BCAS3: variants seen among roughly 807,000 people sequenced by gnomAD.
BCAS3 encodes BCAS3 microtubule associated cell migration factor.
Under a neutral mutation model 116.1 loss-of-function variants are expected in BCAS3, and 53 were observed. That is an observed-to-expected ratio of 0.46 (90% CI 0.37 to 0.57). The LOEUF is 0.57. Ranked by LOEUF, BCAS3 falls within the 20% of genes least tolerant of loss-of-function variation. BCAS3 has a pLI of 0.00. For synonymous variants in BCAS3, 391 were observed against 408.2 expected (o/e 0.96, Z 0.51); for missense variants, 917 against 1,165.4 (o/e 0.79, Z 3.10).
intron 4 of BCAS3, among the ~76,000 whole-genome samples, chr17:60,708,692 C>A (rs993744028): frequency 1.3e-5 from 2 of 152,036 alleles, no homozygotes; most frequent in Non-Finnish European, 2.9e-5. Context: ...CCACACCCGA[C>A]TAATTTTTGT....
intron 19 of BCAS3, among the ~76,000 whole-genome samples, chr17:61,055,823 C>G (rs959251559): frequency 6.6e-6 from 1 of 151,928 alleles, no homozygotes; most frequent in Non-Finnish European, 1.5e-5. Flanking sequence ...AAAAAATTGC[C>G]GTGTTTTTCC....
At chr17:61,192,960 G>T (rs1226671094) in intron 22 of BCAS3, among the ~76,000 whole-genome samples, 1 of 152,160 alleles carries the variant, frequency 6.6e-6, no homozygotes, top group Non-Finnish European at 1.5e-5. Context: ...AAAAACTATG[G>T]TATAAAAATT....
At chr17:60,811,242 G>A (rs372206313) in intron 7 of BCAS3, 148 of 894,264 alleles carry the variant, frequency 1.7e-4, no homozygotes, top group African/African-American at 1.3e-3. Context: ...GAGGGACAGC[G>A]CCAGGCCCAG....
rs2067525935 is a variant in BCAS3 at position 61,041,743 on chromosome 17, G to A, written c.2029+851G>A. Among the ~76,000 whole-genome samples the A allele has an allele frequency of 6.6e-6, 1 of 151,876 alleles. No homozygotes were observed. Among genetic ancestry groups the A allele is most frequent in the Non-Finnish European group, 1.5e-5 (1 of 67,950 alleles). ...TTTATAATGTGCTATATATTATACT[G>A]GAAACAGAAATATTTTATAGACTTT... On this transcript the variant is annotated intron_variant, in intron 19 of 23. Coordinates refer to ENST00000407086, the MANE Select transcript of BCAS3 (RefSeq NM_017679.5). This position sits in a 1 kb window ranked among gnomAD's most constrained non-coding sequence, Gnocchi z 4.7.
chr17:60,903,581 G>T (rs1238824649), intron 11 of BCAS3, among the ~76,000 whole-genome samples: 23 of 152,148 alleles, frequency 1.5e-4, no homozygotes, highest in Non-Finnish European at 3.4e-4. Context: ...CCAAGTAGCT[G>T]GGACTACGGG....
At position 61,235,725 on chromosome 17, in the gene BCAS3, GAGAA is replaced by G. The variant is rs1004438095; in HGVS notation, c.2426-132594_2426-132591del. ...TAAAAAAAAAAAAAAGGAGAAGAAG[GAGAA>G]AGAAAGACAAGGGAAAAAAATGGTT... On this transcript the variant is annotated intron_variant, in intron 22 of 23. Transcript: ENST00000407086. The surrounding 1 kb of genome is among the most constrained non-coding windows in gnomAD (Gnocchi z 5.0). 6.6e-5 allele frequency among the ~76,000 whole-genome samples: 10 copies of G among 151,972 alleles called. No homozygotes were observed. The highest frequency in any genetic ancestry group is 2.4e-4 in the African/African-American group (10 of 41,466).
intron 13 of BCAS3, among the ~76,000 whole-genome samples, chr17:60,927,983 C>T (rs2145172545): frequency 6.6e-6 from 1 of 152,248 alleles, no homozygotes. Flanking sequence ...AAAGGATCCA[C>T]ACTACAGAAA....
In BCAS3 at chr17:61,320,584, G is replaced by C. The variant is rs886787861; in HGVS notation, c.2426-47743G>C. 2.0e-3 allele frequency among the ~76,000 whole-genome samples: 305 copies of C among 151,782 alleles called. 4 individuals carry two copies. Among genetic ancestry groups the C allele is most frequent in the Non-Finnish European group, 4.6e-4 (31 of 67,948 alleles). ...GTACCTGCTTGGGAGGCTGAGGCAG[G>C]AGAACGGCATGAACCCGGGAGGCGG... On this transcript the variant is annotated intron_variant, in intron 22 of 23. Transcript: ENST00000407086.
chr17:60,874,817 A>G, intron 9 of BCAS3, 79 bp downstream of exon 9: 1 of 865,806 alleles, frequency 1.2e-6, no homozygotes, highest in Non-Finnish European at 1.8e-6. Flanking sequence ...ACTAACTGTA[A>G]TTTTCTCAAC....
intron 14 of BCAS3, among the ~76,000 whole-genome samples, chr17:60,951,544 A>G (rs1424134145): frequency 6.6e-6 from 1 of 152,126 alleles, no homozygotes; most frequent in Non-Finnish European, 1.5e-5. Context: ...TTGTAGATGA[A>G]ATTGTTCTTA....
chr17:60,735,280 T>G (rs890305898), intron 5 of BCAS3, among the ~76,000 whole-genome samples: 1 of 151,964 alleles, frequency 6.6e-6, no homozygotes, highest in Non-Finnish European at 1.5e-5. Context: ...GTTTTCTTTC[T>G]TTCTTTCCCA....
At chr17:60,924,650 A>G in intron 13 of BCAS3, 150 bp downstream of exon 13, 1 of 520,158 alleles carries the variant, frequency 1.9e-6, no homozygotes, top group Non-Finnish European at 3.2e-6. Flanking sequence ...TGAATAAAGG[A>G]ATTTATAATA....
intron 11 of BCAS3, among the ~76,000 whole-genome samples, chr17:60,907,658 A>T (rs1176426200): frequency 1.3e-5 from 2 of 152,170 alleles, no homozygotes; most frequent in Non-Finnish European, 1.5e-5. Context: ...TTGTGTGAAG[A>T]TTCATCAGTG....
chr17:61,182,406 A>G (rs1267784763), intron 22 of BCAS3, among the ~76,000 whole-genome samples: 3 of 152,172 alleles, frequency 2.0e-5, no homozygotes, highest in Non-Finnish European at 4.4e-5. Flanking sequence ...AAAAAACCCC[A>G]CTAGCCATCA....
At chr17:61,076,934 C>T (rs972520042) in intron 20 of BCAS3, among the ~76,000 whole-genome samples, 3 of 152,142 alleles carry the variant, frequency 2.0e-5, no homozygotes, top group Non-Finnish European at 4.4e-5. Flanking sequence ...CAGGGCTACA[C>T]TCTGTGAACC....
intron 4 of BCAS3, among the ~76,000 whole-genome samples, chr17:60,704,140 G>A (rs1358295684): frequency 6.6e-6 from 1 of 152,120 alleles, no homozygotes; most frequent in Admixed American, 6.6e-5. Flanking sequence ...CCGACCAAGA[G>A]GCAGCAGGGG....
Position 61,214,027 on chromosome 17 carries a change from C to CT in BCAS3, c.2425+129464dup, listed in dbSNP as rs1281303001. ...CTGCACAGTAGGCTGGAGATTCTAC[C>CT]TAACCTCACAGGACTCCTAGCATGG... On this transcript the variant is annotated intron_variant, in intron 22 of 23. Coordinates refer to ENST00000407086, the MANE Select transcript of BCAS3 (RefSeq NM_017679.5). The surrounding 1 kb of genome is among the most constrained non-coding windows in gnomAD (Gnocchi z 4.4). 1.2e-4 allele frequency among the ~76,000 whole-genome samples: 18 copies of CT among 152,152 alleles called. No homozygotes were observed. Among genetic ancestry groups the CT allele is most frequent in the African/African-American group, 4.3e-4 (18 of 41,498 alleles).
chr17:61,135,240 A>C (rs1321432837), intron 22 of BCAS3, among the ~76,000 whole-genome samples: 1 of 152,214 alleles, frequency 6.6e-6, no homozygotes, highest in East Asian at 1.9e-4. Flanking sequence ...TTCTTAATTC[A>C]AAGACATATT....
intron 5 of BCAS3, among the ~76,000 whole-genome samples, chr17:60,723,823 A>G (rs1422297624): frequency 7.2e-6 from 1 of 138,086 alleles, no homozygotes; most frequent in African/African-American, 2.7e-5. Flanking sequence ...GGTTCAAGTG[A>G]TTCTCCTGCC....
Sources: gnomAD v4.1 joint callset for allele counts (sites outside exome capture counted in the v4.1 genomes callset) on GRCh38, gnomAD v4.1.1 for gene constraint, Gnocchi (gnomAD v3.1) non-coding constraint, MANE v1.5 for transcripts, NCBI Gene and HGNC (gene_info 2026-07-23, HGNC 2026-07-21) for gene names.